Variants in PTPN12 observed in about 807,000 individuals in gnomAD.
The protein encoded by PTPN12 is protein tyrosine phosphatase non-receptor type 12.
A neutral mutation model predicts 97.6 loss-of-function variants in PTPN12; 29 were observed. The observed-to-expected ratio is 0.30, with a 90% CI of 0.22 to 0.41. The LOEUF is 0.41. Ranked by LOEUF, PTPN12 falls within the 10% of genes least tolerant of loss-of-function variation. The probability of loss-of-function intolerance (pLI) is 1.00; values close to 1 mark genes in which losing one functional copy is unlikely to be tolerated. For synonymous variants in PTPN12, 327 were observed against 300.4 expected, an observed-to-expected ratio of 1.09 and a Z score of -0.91; for missense variants, 819 against 926.0, an observed-to-expected ratio of 0.88 and a Z score of 1.50.
intron 13 of PTPN12, among the ~76,000 whole-genome samples, chr7:77,628,414 G>A (rs1249818150): frequency 6.6e-6 from 1 of 152,092 alleles, no homozygotes; most frequent in Non-Finnish European, 1.5e-5. Flanking sequence ...CAGACCCTAA[G>A]GTTGAGAGTA....
In PTPN12 at chr7:77,537,593, C is replaced by A; in HGVS notation, c.47C>A (p.Ala16Asp). ...ILRKFIQRVQ[A>D]MKSPDHNGED... is the part of the protein sequence containing the mutation. ...AGGAAATTCATCCAGAGGGTCCAGG[C>A]CATGAAGAGTCCTGACCACAATGGG... The change falls in exon 1 of 18, where the codon GCC becomes GAC. Residue 16 changes from alanine (A) to aspartate (D), a missense_variant. Ala to Asp is a moderately radical substitution (Grantham distance 126). This residue lies in a region of PTPN12 where 59 missense variants were observed against 42.2 expected (regional missense o/e 1.40). Coordinates refer to ENST00000248594, the MANE Select transcript of PTPN12 (RefSeq NM_002835.4). The A allele has an allele frequency of 6.2e-7, 1 of 1,605,814 alleles. No individual in the cohort carries two copies.
rs556614570 is a variant in PTPN12 at position 77,627,923 on chromosome 7, TTTTTCTTCTGTA to T, written c.1996+251_1996+262del. On this transcript the variant is annotated intron_variant, in intron 13 of 17. Transcript: ENST00000248594. ...AGTTATAACTGGATAACTTATTTTC[TTTTTCTTCTGTA>T]TTATAGATCTTAGTGTTTTTGTATC... 3.3e-3 allele frequency among the ~76,000 whole-genome samples: 506 copies of T among 152,346 alleles called. 4 individuals carry two copies. The highest frequency in any genetic ancestry group is 0.011 in the African/African-American group (441 of 41,580).
intron 6 of PTPN12, among the ~76,000 whole-genome samples, chr7:77,596,058 A>T (rs1175581503): frequency 6.6e-6 from 1 of 152,204 alleles, no homozygotes; most frequent in Non-Finnish European, 1.5e-5. Context: ...ATGGTTGAAG[A>T]TAGGATATGG....
At chr7:77,595,912 C>A (rs1310069629) in intron 6 of PTPN12, among the ~76,000 whole-genome samples, 1 of 152,070 alleles carries the variant, frequency 6.6e-6, no homozygotes, top group African/African-American at 2.4e-5. Context: ...AGTAAGAGAC[C>A]TTTAAAGTGG....
chr7:77,627,416 T>C lies in PTPN12; in HGVS notation c.1737T>C (p.Pro579=). The C allele has an allele frequency of 1.2e-6, 2 of 1,614,168 alleles. No homozygotes were observed. The highest frequency in any genetic ancestry group is 1.3e-5 in the African/African-American group (1 of 75,066). Residue 579 remains proline, a synonymous_variant, in exon 13 of 18, where the codon CCT becomes CCC. Transcript: ENST00000248594. The stretch of plus-strand genomic sequence containing the variant: ...GTCCTACAACACAAGTTGAAACACC[T>C]GATCTTGTGGATCATGATAACACTT... ...TPSPTTQVET[P]DLVDHDNTSP... is the part of the protein sequence containing the mutation.
At chr7:77,590,551 T>A (rs1787831851) in intron 5 of PTPN12, among the ~76,000 whole-genome samples, 1 of 147,566 alleles carries the variant, frequency 6.8e-6, no homozygotes, top group South Asian at 2.2e-4. Context: ...TCTCTATTTT[T>A]TTTAAATCTT....
chr7:77,551,222 A>C (rs1201158153), intron 1 of PTPN12, among the ~76,000 whole-genome samples: 1 of 151,992 alleles, frequency 6.6e-6, no homozygotes, highest in Non-Finnish European at 1.5e-5. Context: ...CACCACACCC[A>C]GCTAATTTTT....
intron 4 of PTPN12, among the ~76,000 whole-genome samples, chr7:77,584,703 C>T (rs1402509765): frequency 2.0e-5 from 3 of 152,224 alleles, no homozygotes; most frequent in Non-Finnish European, 1.5e-5. Context: ...CGGTGAAACC[C>T]TGTCTCTACT....
intron 13 of PTPN12, among the ~76,000 whole-genome samples, chr7:77,629,690 C>T (rs187828841): frequency 3.6e-4 from 55 of 151,912 alleles, no homozygotes; most frequent in African/African-American, 1.3e-3. Context: ...GCCTGTAATC[C>T]CAGCATTTTG....
chr7:77,565,494 C>G lies in PTPN12; in HGVS notation c.100-5584C>G, dbSNP rs201904233. Among the ~76,000 whole-genome samples, 6 of 152,266 alleles carry G rather than the reference C, an allele frequency of 3.9e-5. No homozygotes were observed. In the East Asian group the frequency reaches 7.7e-4, roughly 20 times the overall value. On this transcript the variant is annotated intron_variant, in intron 1 of 17. Transcript: ENST00000248594. ...CTTGAACTGCTGTTGAATGGTGGTG[C>G]TATTTGGGCATGTTTGTGATGCCCA... is the stretch of plus-strand genomic sequence containing the variant.
chr7:77,626,822 G>T lies in PTPN12; in HGVS notation c.1143G>T (p.Trp381Cys). 1 of 1,614,042 alleles carries T rather than the reference G, an allele frequency of 6.2e-7. No individual in the cohort carries two copies. Among genetic ancestry groups the T allele is most frequent in the Non-Finnish European group, 8.5e-7 (1 of 1,179,966 alleles). ...CTTTTCCAACAGTCACTACTGTGTG[G>T]CAGGACAATGATAGATACCATCCAA... is the stretch of plus-strand genomic sequence containing the variant. ...PSAFPTVTTVWQDNDRYHPKP... is the reference protein window; with the variant it reads ...PSAFPTVTTVCQDNDRYHPKP... Residue 381 changes from tryptophan to cysteine, a missense_variant, in exon 13 of 18, where the codon TGG (tryptophan) becomes TGT (cysteine). Trp to Cys is a radical substitution (Grantham distance 215). Transcript: ENST00000248594.
intron 5 of PTPN12, among the ~76,000 whole-genome samples, chr7:77,590,813 G>A (rs1476142034): frequency 6.6e-6 from 1 of 151,802 alleles, no homozygotes; most frequent in African/African-American, 2.4e-5. Flanking sequence ...ATCCACCCAC[G>A]TTGGCCTTCC....
intron 16 of PTPN12, 75 bp from the exon 17 acceptor site, chr7:77,638,549 T>C: frequency 7.3e-7 from 1 of 1,379,038 alleles, no homozygotes; most frequent in Non-Finnish European, 9.4e-7. Flanking sequence ...TGCCAACATT[T>C]AAAAAATTAA....
At chr7:77,592,483 G>T in intron 6 of PTPN12, 1 of 405,380 alleles carries the variant, frequency 2.5e-6, no homozygotes, top group Non-Finnish European at 4.3e-6. Flanking sequence ...TTGATTGTGT[G>T]TTAGTCTTTG....
intron 1 of PTPN12, among the ~76,000 whole-genome samples, chr7:77,540,675 A>G (rs1447239952): frequency 6.7e-6 from 1 of 149,228 alleles, no homozygotes; most frequent in Non-Finnish European, 1.5e-5. Flanking sequence ...TCCTGACTTG[A>G]TAAGCAATAG....
intron 11 of PTPN12, among the ~76,000 whole-genome samples, chr7:77,615,300 A>G (rs1788710666): frequency 6.6e-6 from 1 of 152,066 alleles, no homozygotes; most frequent in South Asian, 2.1e-4. Flanking sequence ...TTTTTAAAGC[A>G]CCCTGATTTA....
At chr7:77,610,411 T>C (rs1189278117) in intron 9 of PTPN12, among the ~76,000 whole-genome samples, 1 of 152,256 alleles carries the variant, frequency 6.6e-6, no homozygotes, top group Non-Finnish European at 1.5e-5. Context: ...AGATTATACA[T>C]TGAATCTGCT....
At chr7:77,609,354 C>CTCTG (rs972753097) in intron 9 of PTPN12, among the ~76,000 whole-genome samples, 2 of 149,158 alleles carry the variant, frequency 1.3e-5, no homozygotes, top group African/African-American at 5.0e-5. Context: ...TCACTGCAAC[C>CTCTG]TCTGACTCTC....
chr7:77,539,884 T>G (rs1299246760), intron 1 of PTPN12, among the ~76,000 whole-genome samples: 2 of 152,204 alleles, frequency 1.3e-5, no homozygotes, highest in Non-Finnish European at 2.9e-5. Context: ...TTCGCCATAT[T>G]TGCAGGCTGC....
Sources: allele counts gnomAD v4.1 joint callset (sites outside exome capture counted in the v4.1 genomes callset), GRCh38; gene constraint gnomAD v4.1.1; regional missense constraint gnomAD v4.1.1; transcripts MANE v1.5; gene names NCBI Gene and HGNC (gene_info 2026-07-23, HGNC 2026-07-21).